Variants in FANCD2 observed in about 807,000 individuals in gnomAD.
FANCD2 encodes FA complementation group D2.
In FANCD2, 131 loss-of-function variants were observed where a neutral mutation model predicts 192.3. That is an observed-to-expected ratio of 0.68 (90% CI 0.59 to 0.79). The LOEUF is 0.79. Among genes scored for constraint, FANCD2 ranks in the 30% least tolerant of loss-of-function variants. The probability of loss-of-function intolerance (pLI) is 0.00; values close to 1 mark genes in which losing one functional copy is unlikely to be tolerated. For missense variants in FANCD2, 1,508 were observed against 1,701.6 expected (o/e 0.89, Z 2.00); for synonymous variants, 524 against 612.5 (o/e 0.86, Z 2.13).
chr3:10,096,545 A>G, intron 42 of FANCD2, 73 bp downstream of exon 42: 6 of 1,393,204 alleles, frequency 4.3e-6, no homozygotes, highest in Non-Finnish European at 5.1e-6. Flanking sequence ...GCATGTAAGG[A>G]AGGTCACCTA....
At chr3:10,072,716 A>G (rs943143910) in intron 26 of FANCD2, among the ~76,000 whole-genome samples, 155 bp from the exon 27 acceptor site, 4 of 152,250 alleles carry the variant, frequency 2.6e-5, no homozygotes. Flanking sequence ...TGCTATGCCA[A>G]AACAATGTCA....
intron 2 of FANCD2, among the ~76,000 whole-genome samples, chr3:10,030,670 C>A (rs142354541): frequency 6.6e-6 from 1 of 152,072 alleles, no homozygotes; most frequent in African/African-American, 2.4e-5. Context: ...GAGGCCAAGG[C>A]GGGCAGATCA....
chr3:10,078,854 A>T (rs1693675209), intron 30 of FANCD2, among the ~76,000 whole-genome samples: 1 of 151,788 alleles, frequency 6.6e-6, no homozygotes, highest in Non-Finnish European at 1.5e-5. Flanking sequence ...AGTTCCAGCT[A>T]CTTGGGAGGC....
In FANCD2 at chr3:10,032,866, GA is replaced by G; in HGVS notation, c.102del (p.Lys34AsnfsTer16). 6.2e-7 allele frequency: 1 copy of G among 1,612,960 alleles called. No homozygotes were observed. Among genetic ancestry groups the G allele is most frequent in the Admixed American group, 1.7e-5 (1 of 59,980 alleles). ...AGCAACCACTTTCCAAAAAGACAAA[GA>G]AATCTCATATTGCTAATGAAGTTGA... is the stretch of plus-strand genomic sequence containing the variant. ...RKQPLSKKTKKSHIANEVEEN... is the reference protein window; with the variant it reads ...RKQPLSKKTKXSHIANEVEEN... On this transcript the variant is annotated frameshift_variant, in exon 3 of 44. Transcript: ENST00000675286. LOFTEE classifies it high-confidence loss of function.
At chr3:10,041,880 T>C (rs932247178) in intron 10 of FANCD2, among the ~76,000 whole-genome samples, 170 bp downstream of exon 10, 4 of 150,126 alleles carry the variant, frequency 2.7e-5, no homozygotes, top group Admixed American at 6.6e-5. Context: ...TTTCAGATGC[T>C]ATTCTATGGT....
chr3:10,048,780 T>A (rs2087108715), intron 16 of FANCD2, among the ~76,000 whole-genome samples: 1 of 148,476 alleles, frequency 6.7e-6, no homozygotes, highest in Non-Finnish European at 1.5e-5. Flanking sequence ...TGTAAAAAAA[T>A]TTTAAACATT....
At chr3:10,095,986 G>A (rs888817482) in intron 41 of FANCD2, among the ~76,000 whole-genome samples, 2 of 151,422 alleles carry the variant, frequency 1.3e-5, no homozygotes, top group African/African-American at 4.9e-5. Flanking sequence ...GCTGGACAGT[G>A]AATGTTTAAG....
intron 18 of FANCD2, among the ~76,000 whole-genome samples, chr3:10,056,248 C>T (rs2087408823): frequency 6.6e-6 from 1 of 152,118 alleles, no homozygotes. Flanking sequence ...TTGTTTCCAC[C>T]TTTTGGCCAT....
rs2087239721 is a variant in FANCD2 at position 10,052,237 on chromosome 3, A to G, written c.1546-150A>G. ...CCTTTGGGCTCTGAGCATAGCTTTTAGAACTTGAGCTTTGAGCTTTTAAGG... is the reference window on the plus strand; with the variant it reads ...CCTTTGGGCTCTGAGCATAGCTTTTGGAACTTGAGCTTTGAGCTTTTAAGG... On this transcript the variant is annotated intron_variant, in intron 17 of 43. Transcript: ENST00000675286. The G allele has an allele frequency of 6.1e-6, 4 of 658,918 alleles. No individual in the cohort carries two copies. In the Admixed American group the frequency reaches 7.1e-5, roughly 12 times the overall value. 40.8% of individuals were successfully genotyped at this position (658,918 alleles called of 1,614,324 possible). A position where few individuals can be genotyped will look rare whatever the true frequency, so the allele number is the denominator to read the frequency against.
Position 10,078,253 on chromosome 3 carries a change from G to A in FANCD2, c.2976+56G>A, listed in dbSNP as rs200921782. 1.6e-3 allele frequency: 1,862 copies of A among 1,174,442 alleles called. 22 individuals are homozygous for A. The Middle Eastern group carries it at 0.019, about 12-fold the overall frequency. The allele number at this position is 1,174,442 out of a possible 1,614,324, so 72.8% of individuals were successfully genotyped here. A position where few individuals can be genotyped will look rare whatever the true frequency, so the allele number is the denominator to read the frequency against. On this transcript the variant is annotated intron_variant, in intron 30 of 43. Transcript: ENST00000675286. Reference sequence around the variant, plus strand: ...CATAGTGGATTTGGGAACAAAGGAGGTATTATGATGAAAAAGTTGTCACTT... The same window carrying A: ...CATAGTGGATTTGGGAACAAAGGAGATATTATGATGAAAAAGTTGTCACTT...
chr3:10,065,331 C>T (rs1335242720), intron 23 of FANCD2, 63 bp from the exon 24 acceptor site: 102 of 1,063,088 alleles, frequency 9.6e-5, no homozygotes, highest in Non-Finnish European at 1.5e-4. Context: ...AGTAATATCT[C>T]CCTATGTACG....
At chr3:10,073,413 A>G (rs1342397794) in intron 28 of FANCD2, 51 bp downstream of exon 28, 3 of 1,308,964 alleles carry the variant, frequency 2.3e-6, no homozygotes, top group Non-Finnish European at 3.3e-6. Context: ...CAGTGAGATT[A>G]ACAGAAACCC....
intron 22 of FANCD2, 46 bp downstream of exon 22, chr3:10,064,475 A>G (rs770833290): frequency 2.0e-6 from 3 of 1,529,062 alleles, no homozygotes; most frequent in South Asian, 2.2e-5. Flanking sequence ...GTGAAGTTAC[A>G]TCAATTCTGT....
At chr3:10,091,188 C>T (rs1391774236) in intron 37 of FANCD2, among the ~76,000 whole-genome samples, 1 of 149,276 alleles carries the variant, frequency 6.7e-6, no homozygotes, top group Non-Finnish European at 1.5e-5. Context: ...TCAGATGATC[C>T]TCCCACGTCA....
chr3:10,065,337 G>A (rs1383427314), intron 23 of FANCD2, 57 bp from the exon 24 acceptor site: 2 of 1,100,416 alleles, frequency 1.8e-6, no homozygotes, highest in Non-Finnish European at 2.8e-6. Flanking sequence ...ATCTCCCTAT[G>A]TACGTGGAGT....
In FANCD2 at chr3:10,065,408, T is replaced by G. The variant is rs762526976; in HGVS notation, c.2183T>G (p.Leu728Arg). 6 of 1,613,370 alleles carry G rather than the reference T, an allele frequency of 3.7e-6. No individual in the cohort carries two copies. The highest frequency in any genetic ancestry group is 5.1e-6 in the Non-Finnish European group (6 of 1,179,256). ...QESGQKLVSP[L>R]CLAPYFRLLR... ...CTCCTTCTCAGATTGGTGTCTCCGC[T>G]GTGCCTGGCTCCGTATTTCCGGTTA... The change falls in exon 24 of 44, where the codon CTG (leucine) becomes CGG (arginine). Residue 728 changes from leucine to arginine, a missense_variant. By Grantham distance (102) the Leu-to-Arg change is moderately radical. This residue lies in a region of FANCD2 where 796 missense variants were observed against 879.4 expected (regional missense o/e 0.91). Transcript: ENST00000675286.
intron 26 of FANCD2, among the ~76,000 whole-genome samples, chr3:10,070,345 G>A (rs1055255299): frequency 2.1e-5 from 3 of 144,126 alleles, no homozygotes; most frequent in Non-Finnish European, 3.0e-5. Flanking sequence ...GTCAGGCCCC[G>A]CCAGGCCAGC....
intron 18 of FANCD2, among the ~76,000 whole-genome samples, chr3:10,056,622 C>G (rs1469744369): frequency 6.6e-6 from 1 of 152,112 alleles, no homozygotes. Context: ...GCCTGGAAAT[C>G]CTGTGCTTAA....
intron 37 of FANCD2, among the ~76,000 whole-genome samples, chr3:10,090,831 G>C (rs559055045): frequency 6.6e-6 from 1 of 152,026 alleles, no homozygotes; most frequent in East Asian, 1.9e-4. Flanking sequence ...TTTGTTTTGA[G>C]TTTCTGAGAT....
Sources: allele counts gnomAD v4.1 joint callset (sites outside exome capture counted in the v4.1 genomes callset), GRCh38; gene constraint gnomAD v4.1.1; regional missense constraint gnomAD v4.1.1; transcripts MANE v1.5; gene names NCBI Gene and HGNC (gene_info 2026-07-23, HGNC 2026-07-21).